ATP6V1A: variants seen among roughly 807,000 people sequenced by gnomAD.
ATP6V1A encodes ATPase H+ transporting V1 subunit A.
ATP6V1A carries 18 observed loss-of-function variants against 70.1 expected under a neutral mutation model. The observed-to-expected ratio is 0.26, with a 90% CI of 0.18 to 0.38. ATP6V1A has a LOEUF of 0.38. Ranked by LOEUF, ATP6V1A falls within the 10% of genes least tolerant of loss-of-function variation. The pLI is 1.00. For synonymous variants in ATP6V1A, 232 were observed against 253.8 expected (o/e 0.91, Z 0.82); for missense variants, 424 against 772.4 (o/e 0.55, Z 5.35).
chr3:113,801,221 A>G (rs966384746), intron 12 of ATP6V1A: 2 of 59,700 alleles, frequency 3.4e-5, no homozygotes, highest in African/African-American at 1.4e-4. Context: ...AATTTTAAAA[A>G]TACTTTTAAA....
intron 8 of ATP6V1A, among the ~76,000 whole-genome samples, chr3:113,792,826 T>C (rs1267077267): frequency 2.0e-5 from 3 of 152,230 alleles, no homozygotes; most frequent in East Asian, 1.9e-4. Flanking sequence ...TACGGAAAAG[T>C]TGAAAGAATG....
chr3:113,791,187 T>C (rs111929212), intron 8 of ATP6V1A, among the ~76,000 whole-genome samples: 1,924 of 152,248 alleles, frequency 0.013, 38 homozygotes, highest in African/African-American at 0.042. Flanking sequence ...GTTTTTGTTA[T>C]CTATTTTCCA....
intron 1 of ATP6V1A, among the ~76,000 whole-genome samples, chr3:113,764,227 T>C (rs918612742): frequency 4.0e-5 from 6 of 151,578 alleles, no homozygotes; most frequent in Non-Finnish European, 7.4e-5. Flanking sequence ...AGCAAGACCT[T>C]GTCTCAAAAA....
chr3:113,808,926 A>G (rs922848473), intron 14 of ATP6V1A, among the ~76,000 whole-genome samples: 1 of 152,104 alleles, frequency 6.6e-6, no homozygotes, highest in Non-Finnish European at 1.5e-5. Flanking sequence ...AGTGTCCCTC[A>G]CTAAACCTAG....
At chr3:113,747,316 G>A (rs1355729678) in intron 1 of ATP6V1A, 1 of 152,334 alleles carries the variant, frequency 6.6e-6, no homozygotes, top group East Asian at 1.9e-4. Flanking sequence ...GGATTCAGAT[G>A]TCCACCTTTC....
At chr3:113,783,096 T>A (rs1044133249) in intron 3 of ATP6V1A, among the ~76,000 whole-genome samples, 15 of 152,242 alleles carry the variant, frequency 9.9e-5, no homozygotes, top group African/African-American at 3.6e-4. Flanking sequence ...ATACATAGTT[T>A]AGAGAGATTT....
At chr3:113,768,307 T>C (rs966411329) in intron 1 of ATP6V1A, among the ~76,000 whole-genome samples, 2 of 152,212 alleles carry the variant, frequency 1.3e-5, no homozygotes, top group Admixed American at 6.5e-5. Context: ...GATGACCTTA[T>C]GTATATTCTT....
intron 1 of ATP6V1A, among the ~76,000 whole-genome samples, chr3:113,774,812 C>CA (rs545106566): frequency 0.023 from 2,184 of 93,048 alleles, 56 homozygotes; most frequent in African/African-American, 0.081. Flanking sequence ...GACCCTGTCT[C>CA]AAAAAAAAAA....
intron 1 of ATP6V1A, among the ~76,000 whole-genome samples, chr3:113,766,384 C>T (rs1489822598): frequency 3.9e-5 from 6 of 152,168 alleles, no homozygotes; most frequent in African/African-American, 1.2e-4. Context: ...CAGCCTCAAC[C>T]TCCCAGGCTC....
chr3:113,769,038 T>G (rs1708804950), intron 1 of ATP6V1A, among the ~76,000 whole-genome samples: 1 of 152,192 alleles, frequency 6.6e-6, no homozygotes, highest in South Asian at 2.1e-4. Context: ...CTTAACAAAT[T>G]TTGAACAAAG....
At chr3:113,790,268 A>ACCCTCTGC (rs1709077297) in intron 8 of ATP6V1A, among the ~76,000 whole-genome samples, 1 of 143,478 alleles carries the variant, frequency 7.0e-6, no homozygotes, top group Non-Finnish European at 1.5e-5. Flanking sequence ...GCGCCACTGC[A>ACCCTCTGC]CTCCAGCCTG....
At chr3:113,780,318 C>T (rs551646846) in intron 2 of ATP6V1A, among the ~76,000 whole-genome samples, 13 of 152,252 alleles carry the variant, frequency 8.5e-5, no homozygotes, top group African/African-American at 3.1e-4. Flanking sequence ...TATTCTTACA[C>T]GTGTCTAAAA....
At chr3:113,794,746 G>T (rs1223541300) in intron 8 of ATP6V1A, 126 bp from the exon 9 acceptor site, 2 of 1,102,988 alleles carry the variant, frequency 1.8e-6, no homozygotes, top group Admixed American at 5.3e-5. Context: ...AGGAAGAGCA[G>T]CTTTGAGGGA....
At chr3:113,768,866 G>A (rs1463640044) in intron 1 of ATP6V1A, among the ~76,000 whole-genome samples, 1 of 152,116 alleles carries the variant, frequency 6.6e-6, no homozygotes, top group African/African-American at 2.4e-5. Context: ...AAAGTGCTGG[G>A]ATTACAGCCA....
intron 1 of ATP6V1A, among the ~76,000 whole-genome samples, chr3:113,767,376 T>C (rs1219216315): frequency 2.6e-5 from 4 of 152,124 alleles, no homozygotes; most frequent in African/African-American, 9.7e-5. Flanking sequence ...TGTAAGCCAC[T>C]GCGCCCAGCC....
chr3:113,765,574 C>T (rs762695632), intron 1 of ATP6V1A, among the ~76,000 whole-genome samples: 81 of 151,544 alleles, frequency 5.3e-4, no homozygotes, highest in African/African-American at 1.9e-3. Context: ...CATTGCACTC[C>T]AGCCTGGGCA....
At chr3:113,755,639 T>C (rs990365144) in intron 1 of ATP6V1A, among the ~76,000 whole-genome samples, 1 of 152,130 alleles carries the variant, frequency 6.6e-6, no homozygotes, top group Non-Finnish European at 1.5e-5. Context: ...TATTATTTGC[T>C]CAGTCAATTA....
At chr3:113,803,456 T>C in intron 12 of ATP6V1A, 127 bp from the exon 13 acceptor site, 1 of 718,106 alleles carries the variant, frequency 1.4e-6, no homozygotes. Flanking sequence ...CAAAAAGCCG[T>C]TATAAGTAAA....
At position 113,810,517 on chromosome 3, in the gene ATP6V1A, C is replaced by T. The variant is rs1202635944; in HGVS notation, c.*1090C>T. 2 of 152,130 alleles carry T rather than the reference C, an allele frequency of 1.3e-5. No individual in the cohort carries two copies. The highest frequency in any genetic ancestry group is 2.9e-5 in the Non-Finnish European group (2 of 68,024). 9.4% of individuals were successfully genotyped at this position (152,130 alleles called of 1,614,324 possible). ...TAATATCAAGGACTATTACATACTT[C>T]ATTACTAGGAAGTTCTTTTTAAAAT... On this transcript the variant is annotated 3_prime_UTR_variant, in exon 15 of 15. Coordinates refer to ENST00000273398, the MANE Select transcript of ATP6V1A (RefSeq NM_001690.4).
Sources: allele counts gnomAD v4.1 joint callset (sites outside exome capture counted in the v4.1 genomes callset), GRCh38; gene constraint gnomAD v4.1.1; transcripts MANE v1.5; gene names NCBI Gene and HGNC (gene_info 2026-07-23, HGNC 2026-07-21).